Variants in MDGA2 observed in about 807,000 individuals in gnomAD.
MDGA2 encodes the protein MAM domain-containing glycosylphosphatidylinositol anchor protein 2.
Under a neutral mutation model 117.8 loss-of-function variants are expected in MDGA2, and 40 were observed. The ratio of observed to expected loss-of-function variants is 0.34; its 90% CI spans 0.26 to 0.44. The LOEUF is 0.44. Ranked by LOEUF, MDGA2 falls within the 20% of genes least tolerant of loss-of-function variation. The probability of loss-of-function intolerance (pLI) is 1.00; values close to 1 mark genes in which losing one functional copy is unlikely to be tolerated. For missense variants in MDGA2, 1,123 were observed against 1,250.6 expected, an observed-to-expected ratio of 0.90 and a Z score of 1.54; for synonymous variants, 452 against 439.0, an observed-to-expected ratio of 1.03 and a Z score of -0.37.
intron 9 of MDGA2, among the ~76,000 whole-genome samples, chr14:46,951,277 T>C (rs928431919): frequency 2.0e-4 from 31 of 152,088 alleles, no homozygotes; most frequent in African/African-American, 6.5e-4. Context: ...TTCATTCTTA[T>C]GTAGGCTATG....
chr14:46,852,720 C>T (rs992341490), intron 15 of MDGA2, among the ~76,000 whole-genome samples: 2 of 151,830 alleles, frequency 1.3e-5, no homozygotes, highest in South Asian at 2.1e-4. Flanking sequence ...ATTTGGTAGA[C>T]GACTCAGAGT....
intron 3 of MDGA2, among the ~76,000 whole-genome samples, chr14:47,183,350 G>A (rs778122018): frequency 6.6e-6 from 1 of 151,818 alleles, no homozygotes; most frequent in African/African-American, 2.4e-5. Context: ...TTCTCCTTTC[G>A]GTTTCATTCC....
intron 1 of MDGA2, among the ~76,000 whole-genome samples, chr14:47,557,762 T>C (rs1895712139): frequency 6.6e-6 from 1 of 152,214 alleles, no homozygotes; most frequent in Non-Finnish European, 1.5e-5. Context: ...AGGAATAGTA[T>C]CCTTAGCCCT....
At chr14:47,505,403 T>C (rs1411185006) in intron 1 of MDGA2, among the ~76,000 whole-genome samples, 1 of 152,164 alleles carries the variant, frequency 6.6e-6, no homozygotes, top group East Asian at 1.9e-4. Context: ...ATGTATGCAC[T>C]AACTACCCTG....
intron 1 of MDGA2, among the ~76,000 whole-genome samples, chr14:47,341,605 T>C (rs1890624771): frequency 6.6e-6 from 1 of 152,196 alleles, no homozygotes; most frequent in Non-Finnish European, 1.5e-5. Context: ...ATAATACATA[T>C]TTGACTAAGA....
intron 10 of MDGA2, among the ~76,000 whole-genome samples, chr14:46,912,569 A>G (rs1333116177): frequency 6.6e-6 from 1 of 152,216 alleles, no homozygotes; most frequent in Non-Finnish European, 1.5e-5. Context: ...AACATTGATT[A>G]AAAATCTTAT....
At chr14:47,063,253 A>T (rs1889957939) in intron 6 of MDGA2, among the ~76,000 whole-genome samples, 1 of 152,068 alleles carries the variant, frequency 6.6e-6, no homozygotes, top group Non-Finnish European at 1.5e-5. Context: ...ACATGAGAAG[A>T]CAAATACTTA....
chr14:47,008,929 C>A (rs1887803631), intron 8 of MDGA2, among the ~76,000 whole-genome samples: 1 of 151,862 alleles, frequency 6.6e-6, no homozygotes, highest in African/African-American at 2.4e-5. Context: ...ATCATTAAAT[C>A]TTACTCAGCA....
intron 1 of MDGA2, among the ~76,000 whole-genome samples, chr14:47,325,471 G>A (rs938821373): frequency 6.6e-6 from 1 of 152,096 alleles, no homozygotes; most frequent in Non-Finnish European, 1.5e-5. Context: ...GGTACCCAAG[G>A]AGCTGCATTA....
At chr14:47,403,926 G>A (rs940962693) in intron 1 of MDGA2, among the ~76,000 whole-genome samples, 1 of 152,016 alleles carries the variant, frequency 6.6e-6, no homozygotes, top group Non-Finnish European at 1.5e-5. Flanking sequence ...TAAAAAGTGG[G>A]CTTTGCTAAG....
intron 2 of MDGA2, among the ~76,000 whole-genome samples, chr14:47,224,468 C>A (rs543450100): frequency 6.6e-6 from 1 of 151,466 alleles, no homozygotes; most frequent in Non-Finnish European, 1.5e-5. Flanking sequence ...ATGCAACAAA[C>A]TCAATAAATA....
Position 46,957,738 on chromosome 14 carries a change from CA to C in MDGA2, c.1820-96del. The C allele has an allele frequency of 2.2e-6, 3 of 1,347,334 alleles. No homozygotes were observed. In the Admixed American group the frequency reaches 5.6e-5, roughly 25 times the overall value. The allele number at this position is 1,347,334 out of a possible 1,614,324, so 83.5% of individuals were successfully genotyped here. ...AAGAAGCCATTTGCAGTAACACATG[CA>C]GCAATAGAGGAGGAGTGTAGGAGGT... On this transcript the variant is annotated intron_variant, in intron 8 of 16. Coordinates refer to ENST00000399232, the MANE Select transcript of MDGA2 (RefSeq NM_001113498.3).
chr14:46,858,908 CT>C (rs1881393853), intron 14 of MDGA2, among the ~76,000 whole-genome samples: 1 of 152,242 alleles, frequency 6.6e-6, no homozygotes, highest in African/African-American at 2.4e-5. Context: ...GACTCTTCAG[CT>C]GTAATCTTTC....
intron 1 of MDGA2, among the ~76,000 whole-genome samples, chr14:47,610,550 C>G (rs931542496): frequency 2.0e-5 from 3 of 151,806 alleles, no homozygotes; most frequent in Non-Finnish European, 4.4e-5. Flanking sequence ...AGAACTCAAC[C>G]CCTTTTACAA....
chr14:46,857,163 T>C (rs1020190429), intron 14 of MDGA2, among the ~76,000 whole-genome samples: 4 of 152,202 alleles, frequency 2.6e-5, no homozygotes, highest in Non-Finnish European at 4.4e-5. Context: ...TTCTATAAAT[T>C]ATAAGAAGAA....
Position 47,144,229 on chromosome 14 carries a change from G to T in MDGA2, c.641C>A (p.Ala214Asp), listed in dbSNP as rs1282674057. 1.9e-6 allele frequency: 3 copies of T among 1,550,972 alleles called. No homozygotes were observed. In the East Asian group the frequency reaches 7.3e-5, roughly 38 times the overall value. ...TCTCTCATAGTAAAATTGTTCTTTA[G>T]CTTCACCTATACTTTGATGAACAGT... ...VVTVHQSIGE[A>D]KEQFYYERTV... The change falls in exon 4 of 17, where the codon GCT becomes GAT. Residue 214 changes from alanine (A) to aspartate (D), a missense_variant. Coordinates refer to ENST00000399232, the MANE Select transcript of MDGA2 (RefSeq NM_001113498.3).
At chr14:46,910,896 G>C (rs1043696115) in intron 10 of MDGA2, among the ~76,000 whole-genome samples, 10 of 152,226 alleles carry the variant, frequency 6.6e-5, no homozygotes, top group Non-Finnish European at 1.2e-4. Flanking sequence ...TGCAGGAATA[G>C]AAAACCAAAT....
At chr14:47,241,558 TTTAA>T (rs1887041706) in intron 2 of MDGA2, among the ~76,000 whole-genome samples, 1 of 151,950 alleles carries the variant, frequency 6.6e-6, no homozygotes, top group African/African-American at 2.4e-5. Flanking sequence ...AGGTGTTTTC[TTTAA>T]TTAAAGGTCA....
At chr14:46,851,800 A>G (rs942442479) in intron 15 of MDGA2, among the ~76,000 whole-genome samples, 1 of 151,838 alleles carries the variant, frequency 6.6e-6, no homozygotes, top group African/African-American at 2.4e-5. Flanking sequence ...CTTAATTTAT[A>G]TAGTAATATA....
Sources: gnomAD v4.1 joint callset for allele counts (sites outside exome capture counted in the v4.1 genomes callset) on GRCh38, gnomAD v4.1.1 for gene constraint, MANE v1.5 for transcripts, NCBI Gene and HGNC (gene_info 2026-07-23, HGNC 2026-07-21) for gene names.